GLOD4: variants seen among roughly 807,000 people sequenced by gnomAD.
GLOD4 encodes the protein glyoxalase domain containing 4, also known as glyoxalase domain-containing protein 4.
GLOD4 carries 44 observed loss-of-function variants against 39.1 expected under a neutral mutation model. The ratio of observed to expected loss-of-function variants is 1.13; its 90% CI spans 0.88 to 1.45. The LOEUF is 1.45. Ranked by LOEUF, GLOD4 falls within the 40% of genes most tolerant of loss-of-function variation. The pLI is 0.00. For missense variants in GLOD4, 405 were observed against 366.4 expected (o/e 1.11, Z -0.86); for synonymous variants, 145 against 135.0 (o/e 1.07, Z -0.52).
chr17:760,385 G>T (rs1402294026), intron 8 of GLOD4, 147 bp from the exon 9 acceptor site: 23 of 590,932 alleles, frequency 3.9e-5, no homozygotes, highest in Non-Finnish European at 6.6e-5. Flanking sequence ...AAAGAGAAGA[G>T]AAATAAAAAA....
At chr17:781,907 T>A (rs949349989) in intron 1 of GLOD4, 5 of 479,386 alleles carry the variant, frequency 1.0e-5, no homozygotes, top group Non-Finnish European at 1.5e-5. Context: ...CGGGGCTCAA[T>A]AAACGTTTAC....
At chr17:764,495 G>A (rs1906104730) in intron 8 of GLOD4, 1 of 152,026 alleles carries the variant, frequency 6.6e-6, no homozygotes. Context: ...CTACTCCTAG[G>A]TATTTACTCA....
intron 1 of GLOD4, 84 bp downstream of exon 1, chr17:782,082 C>G (rs1234264027): frequency 1.0e-6 from 1 of 965,540 alleles, no homozygotes; most frequent in Non-Finnish European, 1.6e-6. Flanking sequence ...TCACGACACA[C>G]CCATTTTCCC....
chr17:760,215 G>A lies in GLOD4; in HGVS notation c.855C>T (p.Asp285=), dbSNP rs116004401. ...LDDAMAADKS[D]EWFAKHNKPK... ...GTTTATTGTGTTTGGCAAACCACTCGTCACTTTTATCTGCTGCCATTGCCT... is the reference window on the plus strand; with the variant it reads ...GTTTATTGTGTTTGGCAAACCACTCATCACTTTTATCTGCTGCCATTGCCT... The change falls in exon 9 of 9, where the codon GAC becomes GAT. Residue 285 remains aspartate (D), a synonymous_variant. Coordinates refer to ENST00000301329, the MANE Select transcript of GLOD4 (RefSeq NM_016080.4). 117 of 1,594,736 alleles carry A rather than the reference G, an allele frequency of 7.3e-5. No homozygotes were observed. The African/African-American group carries it at 8.5e-4, about 12-fold the overall frequency.
chr17:760,053 C>T lies in GLOD4; in HGVS notation c.*120G>A. ...GATTGAAATACACAAATCTGCACTA[C>T]CCAAGCCTCCTTGCCTGTACGGGAA... is the stretch of plus-strand genomic sequence containing the variant. On this transcript the variant is annotated 3_prime_UTR_variant, in exon 9 of 9. Coordinates refer to ENST00000301329, the MANE Select transcript of GLOD4 (RefSeq NM_016080.4). The T allele has an allele frequency of 4.3e-6, 3 of 701,154 alleles. No homozygotes were observed. Among genetic ancestry groups the T allele is most frequent in the Admixed American group, 4.5e-5 (2 of 44,632 alleles). 43.4% of individuals were successfully genotyped at this position (701,154 alleles called of 1,614,324 possible).
upstream of GLOD4, among the ~76,000 whole-genome samples, chr17:785,790 A>T (rs1910504029): frequency 6.6e-6 from 1 of 152,258 alleles, no homozygotes; most frequent in African/African-American, 2.4e-5. Context: ...TTTTAAAATG[A>T]GTGATAAAGG....
At chr17:782,669 T>A, upstream of GLOD4, 1 of 1,606,822 alleles carries the variant, frequency 6.2e-7, no homozygotes, top group Non-Finnish European at 8.5e-7. Flanking sequence ...ACGATAAAGC[T>A]TATCCCGGGG....
chr17:777,012 T>G (rs774573072), intron 2 of GLOD4, 24 bp from the exon 3 acceptor site: 1 of 1,610,078 alleles, frequency 6.2e-7, no homozygotes, highest in Non-Finnish European at 8.5e-7. Context: ...GTAAATGAAC[T>G]CAGTGACTAC....
At chr17:783,200 C>G (rs755649262), upstream of GLOD4, 27 of 1,614,108 alleles carry the variant, frequency 1.7e-5, no homozygotes, top group Middle Eastern at 1.6e-4. Context: ...CAAAAATGTT[C>G]TTCTTTAGCC....
At chr17:782,946 C>G (rs1597592809), upstream of GLOD4, 5 of 1,299,922 alleles carry the variant, frequency 3.8e-6, no homozygotes, top group African/African-American at 7.4e-5. Context: ...CCTCGGCCTC[C>G]CAATGTGCTG....
At chr17:767,986 G>A (rs1597578852) in intron 8 of GLOD4, among the ~76,000 whole-genome samples, 2 of 134,794 alleles carry the variant, frequency 1.5e-5, no homozygotes, top group African/African-American at 5.7e-5. Flanking sequence ...GAAGAAATCT[G>A]GAGAGGACGT....
intron 4 of GLOD4, among the ~76,000 whole-genome samples, chr17:775,260 C>CA (rs113281349): frequency 0.039 from 5,427 of 140,752 alleles, 173 homozygotes; most frequent in African/African-American, 0.082. Flanking sequence ...GACAGAGTCT[C>CA]AAAAAAAAAA....
At chr17:770,860 C>G (rs764147440) in intron 5 of GLOD4, 7 of 225,698 alleles carry the variant, frequency 3.1e-5, no homozygotes, top group Non-Finnish European at 6.2e-5. Flanking sequence ...AAATATGTCT[C>G]TAATCTATAG....
At chr17:770,274 T>C (rs1907715858) in intron 6 of GLOD4, 117 bp from the exon 7 acceptor site, 3 of 757,472 alleles carry the variant, frequency 4.0e-6, no homozygotes, top group South Asian at 3.1e-5. Flanking sequence ...TTTGTTTGAA[T>C]TTATTATCTC....
At chr17:776,534 G>A (rs1036418446) in intron 3 of GLOD4, among the ~76,000 whole-genome samples, 2 of 152,106 alleles carry the variant, frequency 1.3e-5, no homozygotes, top group South Asian at 4.1e-4. Context: ...CATTTCACTC[G>A]GTGACTTACG....
intron 1 of GLOD4, among the ~76,000 whole-genome samples, chr17:779,849 C>A (rs576813222): frequency 7.4e-4 from 112 of 152,206 alleles, no homozygotes; most frequent in South Asian, 1.2e-3. Context: ...AAGTTCCCAA[C>A]GCTTCGCTCA....
At chr17:774,496 T>C (rs1448250076) in intron 4 of GLOD4, among the ~76,000 whole-genome samples, 1 of 152,218 alleles carries the variant, frequency 6.6e-6, no homozygotes, top group Non-Finnish European at 1.5e-5. Context: ...GAAACACTGA[T>C]GAGGCTGCCT....
chr17:772,499 C>T (rs1407949646), intron 4 of GLOD4, among the ~76,000 whole-genome samples: 1 of 151,976 alleles, frequency 6.6e-6, no homozygotes, highest in Non-Finnish European at 1.5e-5. Context: ...TCCTAGACAA[C>T]AACCAAGAAA....
intron 8 of GLOD4, among the ~76,000 whole-genome samples, chr17:762,505 TGC>T (rs1375534313): frequency 2.2e-5 from 3 of 137,842 alleles, no homozygotes; most frequent in Admixed American, 1.4e-4. Flanking sequence ...ACCTACTCAG[TGC>T]GTGATCTTCA....
Sources: gnomAD v4.1 joint callset for allele counts (sites outside exome capture counted in the v4.1 genomes callset) on GRCh38, gnomAD v4.1.1 for gene constraint, MANE v1.5 for transcripts, NCBI Gene and HGNC (gene_info 2026-07-23, HGNC 2026-07-21) for gene names.